Variants in ARHGAP39 observed in about 807,000 individuals in gnomAD.
The protein encoded by ARHGAP39 is Rho GTPase activating protein 39.
A neutral mutation model predicts 106.9 loss-of-function variants in ARHGAP39; 44 were observed. The observed-to-expected ratio is 0.41, with a 90% CI of 0.32 to 0.53. The LOEUF (loss-of-function observed/expected upper bound fraction) is 0.53, where lower values mean the gene tolerates loss of function less well. ARHGAP39 is among the 20% of genes least tolerant of loss of function. The pLI, the probability that ARHGAP39 is intolerant of heterozygous loss-of-function variation, is 0.21. For missense variants in ARHGAP39, 1,496 were observed against 1,577.3 expected, an observed-to-expected ratio of 0.95 and a Z score of 0.87; for synonymous variants, 768 against 693.2, an observed-to-expected ratio of 1.11 and a Z score of -1.69.
intron 1 of ARHGAP39, among the ~76,000 whole-genome samples, chr8:144,681,374 C>A (rs973865562): frequency 2.1e-4 from 32 of 152,174 alleles, no homozygotes; most frequent in Non-Finnish European, 4.0e-4. Context: ...AGGCTGAACA[C>A]CAGAGTCTAC....
intron 1 of ARHGAP39, among the ~76,000 whole-genome samples, chr8:144,631,271 C>T (rs1025656001): frequency 6.6e-6 from 1 of 152,238 alleles, no homozygotes. Context: ...AATATCCAAC[C>T]ATCCCACCAG....
chr8:144,530,385 G>A lies in ARHGAP39; in HGVS notation c.*37C>T, dbSNP rs1410737005. On this transcript the variant is annotated 3_prime_UTR_variant, in exon 12 of 12. Coordinates refer to ENST00000377307, the MANE Select transcript of ARHGAP39 (RefSeq NM_025251.3). ...GAGTGCGGAGTTCGGCCTGGCTGGG[G>A]GCGGCAGGACATCCCTCCTGTCCCC... 3.9e-6 allele frequency: 6 copies of A among 1,554,956 alleles called. No homozygotes were observed. In the East Asian group the frequency reaches 7.2e-5, roughly 19 times the overall value.
At chr8:144,562,485 CACTCCAGTGGTTTCCATCGG>C (rs1564849433) in intron 3 of ARHGAP39, among the ~76,000 whole-genome samples, 1 of 117,200 alleles carries the variant, frequency 8.5e-6, no homozygotes, top group Non-Finnish European at 1.6e-5. Flanking sequence ...GTTTCCATCG[CACTCCAGTGGTTTCCATCGG>C]ACTCACTCCA....
At chr8:144,556,697 G>GCAAAGC (rs1817936094) in intron 3 of ARHGAP39, among the ~76,000 whole-genome samples, 3 of 31,628 alleles carry the variant, frequency 9.5e-5, no homozygotes, top group African/African-American at 4.1e-4. Context: ...GAGGCAAAAG[G>GCAAAGC]CTGAACCTTC....
At chr8:144,601,610 CTGTG>C (rs543552914) in intron 2 of ARHGAP39, among the ~76,000 whole-genome samples, 6 of 110,482 alleles carry the variant, frequency 5.4e-5, no homozygotes, top group Admixed American at 2.1e-4. Context: ...GCTCATGTAT[CTGTG>C]TGTGCATGGA....
At chr8:144,693,681 G>A in the ARHGAP39 span, among the ~76,000 whole-genome samples, 1 of 152,208 alleles carries the variant, frequency 6.6e-6, no homozygotes, top group Non-Finnish European at 1.5e-5. Flanking sequence ...CCGCCTGGCC[G>A]TAAAATTCTT....
intron 1 of ARHGAP39, among the ~76,000 whole-genome samples, chr8:144,638,138 A>T (rs184554595): frequency 9.2e-4 from 140 of 152,290 alleles, no homozygotes; most frequent in African/African-American, 3.0e-3. Flanking sequence ...TTTGTTGGAT[A>T]CTCAATAGGT....
At position 144,685,793 on chromosome 8, in the gene ARHGAP39, C is replaced by T. The variant is rs1245771802; in HGVS notation, c.-189G>A. On this transcript the variant is annotated 5_prime_UTR_variant, in exon 1 of 12. Transcript: ENST00000377307. ...CCTCTCTGCTGCTCCGCCGCTGCTG[C>T]CGCGGCAGCCCGTGCTGTCGGCGTC... 6.8e-6 allele frequency among the ~76,000 whole-genome samples: 1 copy of T among 147,830 alleles called. No individual in the cohort carries two copies. Among genetic ancestry groups the T allele is most frequent in the East Asian group, 2.0e-4 (1 of 5,112 alleles).
chr8:144,559,948 T>G (rs1818081205), intron 3 of ARHGAP39, among the ~76,000 whole-genome samples: 1 of 152,360 alleles, frequency 6.6e-6, no homozygotes, highest in South Asian at 2.1e-4. Context: ...TGGCATCACG[T>G]TGACACTCAA....
upstream of ARHGAP39, among the ~76,000 whole-genome samples, chr8:144,690,324 G>A (rs1482812072): frequency 4.6e-5 from 7 of 151,350 alleles, no homozygotes; most frequent in Admixed American, 4.6e-4. Flanking sequence ...TGTTGGCCAA[G>A]CTGGTCTTGA....
the ARHGAP39 span, among the ~76,000 whole-genome samples, chr8:144,693,922 G>T: frequency 6.6e-6 from 1 of 152,188 alleles, no homozygotes; most frequent in African/African-American, 2.4e-5. Flanking sequence ...CAGGCAAAGG[G>T]GGGAGGGAGA....
At chr8:144,694,052 C>T in the ARHGAP39 span, among the ~76,000 whole-genome samples, 3 of 152,190 alleles carry the variant, frequency 2.0e-5, no homozygotes, top group African/African-American at 2.4e-5. Flanking sequence ...GGAATGTGAC[C>T]GGAGGCCTAC....
chr8:144,606,466 C>G (rs575383051), intron 1 of ARHGAP39, among the ~76,000 whole-genome samples: 8 of 152,296 alleles, frequency 5.3e-5, no homozygotes, highest in African/African-American at 1.7e-4. Flanking sequence ...TTATTATTTT[C>G]TTACTACCAT....
At chr8:144,611,909 C>T (rs979517623) in intron 1 of ARHGAP39, among the ~76,000 whole-genome samples, 19 of 150,542 alleles carry the variant, frequency 1.3e-4, no homozygotes, top group Non-Finnish European at 2.5e-4. Flanking sequence ...CTCGGGAAGA[C>T]GAGGCAGGAG....
intron 1 of ARHGAP39, among the ~76,000 whole-genome samples, chr8:144,661,903 G>GC (rs1227241829): frequency 1.6e-5 from 1 of 61,918 alleles, no homozygotes; most frequent in African/African-American, 6.5e-5. Flanking sequence ...CCCCCACCCC[G>GC]CCCCCCTTTC....
intron 3 of ARHGAP39, among the ~76,000 whole-genome samples, chr8:144,567,859 T>C (rs1818456723): frequency 6.6e-6 from 1 of 152,206 alleles, no homozygotes; most frequent in Admixed American, 6.5e-5. Flanking sequence ...TCACTCTCCT[T>C]ATCCTGCCCC....
chr8:144,628,843 G>A (rs1406078494), intron 1 of ARHGAP39, among the ~76,000 whole-genome samples: 8 of 152,114 alleles, frequency 5.3e-5, no homozygotes, highest in Non-Finnish European at 8.8e-5. Context: ...CCCTGTCACC[G>A]CTGTGCCTGG....
intron 1 of ARHGAP39, 161 bp from the exon 2 acceptor site, chr8:144,605,856 T>A (rs570146242): frequency 1.8e-6 from 1 of 556,714 alleles, no homozygotes; most frequent in African/African-American, 1.9e-5. Flanking sequence ...TCAGTGCTCC[T>A]GATGCCTGGC....
chr8:144,600,752 C>G (rs960418460), intron 2 of ARHGAP39, among the ~76,000 whole-genome samples: 1 of 149,376 alleles, frequency 6.7e-6, no homozygotes, highest in East Asian at 2.0e-4. Flanking sequence ...TGCGTGCGCA[C>G]TTGTGTACCT....
Sources: gnomAD v4.1 joint callset for allele counts (sites outside exome capture counted in the v4.1 genomes callset) on GRCh38, gnomAD v4.1.1 for gene constraint, MANE v1.5 for transcripts, NCBI Gene and HGNC (gene_info 2026-07-23, HGNC 2026-07-21) for gene names.